The following TARP variants were observed in gnomAD, a reference collection of about 807,000 sequenced individuals.
At chr7:38,263,957 TGA>T in the TARP span, among the ~76,000 whole-genome samples, 1 of 151,980 alleles carries the variant, frequency 6.6e-6, no homozygotes, top group African/African-American at 2.4e-5. Flanking sequence ...TTCCTCATGG[TGA>T]CTTCATTTAT....
the TARP span, chr7:38,273,609 G>A: frequency 3.8e-5 from 61 of 1,597,490 alleles, no homozygotes; most frequent in African/African-American, 6.7e-5. Flanking sequence ...GCTTTGTTCC[G>A]GGACCAAATA....
At chr7:38,269,183 C>G in the TARP span, among the ~76,000 whole-genome samples, 1 of 151,736 alleles carries the variant, frequency 6.6e-6, no homozygotes, top group African/African-American at 2.4e-5. Context: ...GAGTCTATCA[C>G]AAACTTACCT....
At chr7:38,270,315 G>T in the TARP span, among the ~76,000 whole-genome samples, 2 of 151,686 alleles carry the variant, frequency 1.3e-5, no homozygotes, top group African/African-American at 4.8e-5. Flanking sequence ...TCCTCTGTTT[G>T]CATTCCACTT....
At chr7:38,265,161 C>A in the TARP span, among the ~76,000 whole-genome samples, 4 of 151,030 alleles carry the variant, frequency 2.6e-5, no homozygotes, top group Non-Finnish European at 5.9e-5. Context: ...GTAACTTTTT[C>A]AATTTTGTTT....
At chr7:38,265,472 T>C in the TARP span, 6 of 1,611,956 alleles carry the variant, frequency 3.7e-6, no homozygotes, top group East Asian at 2.2e-5. Context: ...CTAAATTTCA[T>C]GTATGTGTCG....
the TARP span, chr7:38,262,198 T>C: frequency 5.6e-6 from 9 of 1,612,220 alleles, no homozygotes; most frequent in Non-Finnish European, 6.8e-6. Context: ...CAATTGTCTT[T>C]GGGATCCATT....
chr7:38,265,251 G>A, the TARP span: 1 of 913,318 alleles, frequency 1.1e-6, no homozygotes, highest in Non-Finnish European at 1.6e-6. Context: ...CAATATTTAA[G>A]AAAGATTTAT....
the TARP span, among the ~76,000 whole-genome samples, chr7:38,266,690 A>G: frequency 0.18 from 21,357 of 118,486 alleles, 255 homozygotes; most frequent in African/African-American, 0.32. Context: ...CAAGTTGACC[A>G]TGTAGCTTCA....
the TARP span, chr7:38,262,230 A>C: frequency 5.0e-6 from 8 of 1,603,060 alleles, no homozygotes; most frequent in East Asian, 4.5e-5. Flanking sequence ...TAGAAGAATG[A>C]GAGCAAGTAC....
the TARP span, chr7:38,262,098 A>G: frequency 3.2e-5 from 42 of 1,304,472 alleles, no homozygotes; most frequent in Non-Finnish European, 4.5e-5. Flanking sequence ...AGCAAAATCC[A>G]TTCCCTGATT....
chr7:38,266,720 T>C, the TARP span, among the ~76,000 whole-genome samples: 17 of 151,812 alleles, frequency 1.1e-4, no homozygotes, highest in African/African-American at 4.1e-4. Context: ...CCATGAGCAG[T>C]CCCCCTAGTT....
the TARP span, chr7:38,262,340 T>A: frequency 5.4e-6 from 4 of 734,024 alleles, no homozygotes; most frequent in African/African-American, 1.8e-5. Context: ...GAGCCCACAA[T>A]TCCAGAAACA....
the TARP span, chr7:38,260,175 C>G: frequency 6.2e-7 from 1 of 1,601,278 alleles, no homozygotes; most frequent in African/African-American, 1.5e-5. Flanking sequence ...TCTTGAGGAG[C>G]AGGAGGAGGT....
the TARP span, among the ~76,000 whole-genome samples, chr7:38,265,912 A>C: frequency 6.7e-6 from 1 of 150,158 alleles, no homozygotes; most frequent in Non-Finnish European, 1.5e-5. Flanking sequence ...CAGCTCTCAA[A>C]TGTCAGATGC....
At chr7:38,266,481 T>C in the TARP span, among the ~76,000 whole-genome samples, 5 of 151,936 alleles carry the variant, frequency 3.3e-5, no homozygotes, top group Non-Finnish European at 5.9e-5. Context: ...TAATATTTTT[T>C]TTCTAGGAAC....
the TARP span, among the ~76,000 whole-genome samples, chr7:38,264,666 G>A: frequency 0.027 from 4,089 of 151,056 alleles, 149 homozygotes; most frequent in East Asian, 0.11. Context: ...CTTCTCTCCT[G>A]TATAATATTC....
At chr7:38,265,051 G>A in the TARP span, among the ~76,000 whole-genome samples, 1 of 151,056 alleles carries the variant, frequency 6.6e-6, no homozygotes, top group African/African-American at 2.5e-5. Context: ...GTTGCTAGAT[G>A]CTTCTGTGTA....
the TARP span, chr7:38,265,413 G>A: frequency 1.1e-5 from 18 of 1,611,996 alleles, no homozygotes; most frequent in South Asian, 1.4e-4. Flanking sequence ...CATGTCTGAC[G>A]ATACATCTGT....
At chr7:38,270,404 TC>T in the TARP span, among the ~76,000 whole-genome samples, 1 of 151,572 alleles carries the variant, frequency 6.6e-6, no homozygotes, top group African/African-American at 2.4e-5. Context: ...TAATAGGTTA[TC>T]CTTTGCCTTA....
Sources: allele counts gnomAD v4.1 joint callset (sites outside exome capture counted in the v4.1 genomes callset), GRCh38; gene constraint gnomAD v4.1.1; transcripts MANE v1.5.